Variants in SYT1 observed in about 807,000 individuals in gnomAD.
The protein encoded by SYT1 is synaptotagmin-1.
Under a neutral mutation model 44.8 loss-of-function variants are expected in SYT1, and 8 were observed. That is an observed-to-expected ratio of 0.18 (90% CI 0.10 to 0.32). The LOEUF (loss-of-function observed/expected upper bound fraction) is 0.32. Ranked by LOEUF, SYT1 falls within the 10% of genes least tolerant of loss-of-function variation. SYT1 has a pLI of 1.00. For synonymous variants in SYT1, 154 were observed against 188.8 expected, an observed-to-expected ratio of 0.82 and a Z score of 1.51; for missense variants, 286 against 509.3, an observed-to-expected ratio of 0.56 and a Z score of 4.22.
intron 1 of SYT1, among the ~76,000 whole-genome samples, chr12:78,905,361 C>T (rs941928310): frequency 6.6e-6 from 1 of 152,016 alleles, no homozygotes; most frequent in Non-Finnish European, 1.5e-5. Context: ...TAAGAATCCA[C>T]CAATTTCATG....
intron 2 of SYT1, among the ~76,000 whole-genome samples, chr12:79,001,689 G>A (rs774112503): frequency 2.6e-5 from 4 of 152,152 alleles, no homozygotes; most frequent in Non-Finnish European, 4.4e-5. Context: ...TCTGTTCTTA[G>A]TGTCAGTGAT....
At chr12:79,072,478 TAA>T (rs905323055) in intron 3 of SYT1, among the ~76,000 whole-genome samples, 51 of 152,268 alleles carry the variant, frequency 3.3e-4, no homozygotes, top group African/African-American at 1.1e-3. Context: ...ATTTTATCTA[TAA>T]GTTATTTAAA....
At chr12:79,411,711 T>C (rs1486335096) in intron 9 of SYT1, among the ~76,000 whole-genome samples, 2 of 152,194 alleles carry the variant, frequency 1.3e-5, no homozygotes, top group Non-Finnish European at 1.5e-5. Context: ...TAAGCAATCA[T>C]AAAACTCACC....
At chr12:79,118,986 T>G (rs949890808) in intron 3 of SYT1, among the ~76,000 whole-genome samples, 1 of 152,234 alleles carries the variant, frequency 6.6e-6, no homozygotes, top group Admixed American at 6.5e-5. Flanking sequence ...TTACCCACTT[T>G]TGAATTCCCT....
intron 3 of SYT1, among the ~76,000 whole-genome samples, chr12:79,108,969 A>G (rs142880783): frequency 9.8e-5 from 15 of 152,306 alleles, no homozygotes; most frequent in African/African-American, 3.1e-4. Flanking sequence ...TAGTTCAGCT[A>G]AAGATGGGTG....
At chr12:78,955,285 A>G (rs535393696) in intron 1 of SYT1, among the ~76,000 whole-genome samples, 1 of 152,146 alleles carries the variant, frequency 6.6e-6, no homozygotes, top group African/African-American at 2.4e-5. Flanking sequence ...ATTTTCAAAC[A>G]CACATTCAGG....
At chr12:79,171,161 A>T (rs777820283) in intron 3 of SYT1, among the ~76,000 whole-genome samples, 1 of 152,102 alleles carries the variant, frequency 6.6e-6, no homozygotes, top group Non-Finnish European at 1.5e-5. Flanking sequence ...TTAGGGTTGC[A>T]TTGGCTATTT....
In SYT1 at chr12:79,449,338, T is replaced by G; in HGVS notation, c.*214T>G. On this transcript the variant is annotated 3_prime_UTR_variant, in exon 11 of 11. Transcript: ENST00000261205. ...ACTGCCCTCCAAATCTACTCTTCTTTTAAGCAATATGATGTGTAGATAGAG... is the reference window on the plus strand; with the variant it reads ...ACTGCCCTCCAAATCTACTCTTCTTGTAAGCAATATGATGTGTAGATAGAG... The G allele has an allele frequency of 1.8e-6, 1 of 564,308 alleles. No homozygotes were observed. Among genetic ancestry groups the G allele is most frequent in the Non-Finnish European group, 3.2e-6 (1 of 316,980 alleles). 35.0% of individuals were successfully genotyped at this position (564,308 alleles called of 1,614,324 possible).
intron 1 of SYT1, among the ~76,000 whole-genome samples, chr12:78,941,935 T>C (rs61929236): frequency 0.059 from 8,969 of 152,254 alleles, 291 homozygotes; most frequent in Admixed American, 0.089. Flanking sequence ...ACTTTCCTCT[T>C]ATGTAAAACC....
chr12:79,121,769 T>A (rs1364396092), intron 3 of SYT1, among the ~76,000 whole-genome samples: 9 of 152,242 alleles, frequency 5.9e-5, no homozygotes, highest in Non-Finnish European at 1.2e-4. Flanking sequence ...CCAAGTATTG[T>A]CTTTAATGTC....
At chr12:79,354,692 A>G (rs1352181984) in intron 9 of SYT1, among the ~76,000 whole-genome samples, 1 of 152,172 alleles carries the variant, frequency 6.6e-6, no homozygotes, top group East Asian at 1.9e-4. Context: ...TATTGTGCCT[A>G]GCAGTGTAAC....
chr12:78,901,298 GTCT>G (rs1168755427), intron 1 of SYT1, among the ~76,000 whole-genome samples: 9 of 152,064 alleles, frequency 5.9e-5, no homozygotes, highest in African/African-American at 2.2e-4. Context: ...CAAAAAGAAA[GTCT>G]TCTTCCATGA....
chr12:78,991,076 C>T (rs900869433), intron 2 of SYT1, among the ~76,000 whole-genome samples: 2 of 152,070 alleles, frequency 1.3e-5, no homozygotes, highest in African/African-American at 4.8e-5. Flanking sequence ...GTATTCTTAT[C>T]TAACAATTTA....
chr12:79,367,059 A>C (rs938431519), intron 9 of SYT1, among the ~76,000 whole-genome samples: 1 of 152,052 alleles, frequency 6.6e-6, no homozygotes, highest in East Asian at 1.9e-4. Flanking sequence ...ACTTGTGGCC[A>C]CAAGACCCAG....
intron 6 of SYT1, among the ~76,000 whole-genome samples, chr12:79,294,896 A>C (rs913096551): frequency 2.6e-5 from 4 of 152,114 alleles, no homozygotes; most frequent in African/African-American, 9.7e-5. Context: ...TCCACAAAAA[A>C]AAAAAAAGAT....
chr12:79,190,819 T>C (rs930956978), intron 3 of SYT1, among the ~76,000 whole-genome samples: 1 of 151,044 alleles, frequency 6.6e-6, no homozygotes, highest in Non-Finnish European at 1.5e-5. Flanking sequence ...TGCCCCTCTT[T>C]TTTTCAGAAC....
chr12:78,931,323 GGGA>G (rs1877704258), intron 1 of SYT1, among the ~76,000 whole-genome samples: 1 of 25,512 alleles, frequency 3.9e-5, no homozygotes, highest in African/African-American at 2.5e-4. Context: ...GAGGGAGGGA[GGGA>G]GGGAGGGAGG....
chr12:79,224,382 A>G (rs941979692), intron 4 of SYT1, among the ~76,000 whole-genome samples: 2 of 152,324 alleles, frequency 1.3e-5, no homozygotes, highest in South Asian at 2.1e-4. Flanking sequence ...GTGTAAATGT[A>G]ATAGGGAAGG....
chr12:78,949,311 T>C (rs1878838525), intron 1 of SYT1, among the ~76,000 whole-genome samples: 1 of 151,884 alleles, frequency 6.6e-6, no homozygotes, highest in Non-Finnish European at 1.5e-5. Context: ...ATAGTCAAGA[T>C]GGCTATATTA....
Sources: allele counts gnomAD v4.1 joint callset (sites outside exome capture counted in the v4.1 genomes callset), GRCh38; gene constraint gnomAD v4.1.1; transcripts MANE v1.5; gene names NCBI Gene and HGNC (gene_info 2026-07-23, HGNC 2026-07-21).